EIF5B: variants seen among roughly 807,000 people sequenced by gnomAD.
The protein encoded by EIF5B is eukaryotic translation initiation factor 5B.
In EIF5B, 47 loss-of-function variants were observed where a neutral mutation model predicts 147.5. The ratio of observed to expected loss-of-function variants is 0.32; its 90% CI spans 0.25 to 0.41. The LOEUF (loss-of-function observed/expected upper bound fraction) is 0.41. Ranked by LOEUF, EIF5B falls within the 10% of genes least tolerant of loss-of-function variation. EIF5B has a pLI of 1.00. For synonymous variants in EIF5B, 455 were observed against 456.2 expected, an observed-to-expected ratio of 1.00 and a Z score of 0.03; for missense variants, 1,064 against 1,413.2, an observed-to-expected ratio of 0.75 and a Z score of 3.96.
intron 1 of EIF5B, among the ~76,000 whole-genome samples, chr2:99,341,079 C>A (rs1411238086): frequency 6.6e-6 from 1 of 152,166 alleles, no homozygotes; most frequent in Non-Finnish European, 1.5e-5. Flanking sequence ...TTGTGTAATT[C>A]TAAGAATGAG....
Position 99,344,353 on chromosome 2 carries a change from T to A in EIF5B, c.35+6764T>A, listed in dbSNP as rs886564654. Reference sequence around the variant, plus strand: ...AGATATATGGATTTATTTCCGGACTTTAAGTTTTATTTCTTTGGTCTGTAT... The same window carrying A: ...AGATATATGGATTTATTTCCGGACTATAAGTTTTATTTCTTTGGTCTGTAT... On this transcript the variant is annotated intron_variant, in intron 1 of 23. Coordinates refer to ENST00000289371, the MANE Select transcript of EIF5B (RefSeq NM_015904.4). Among the ~76,000 whole-genome samples, 3 of 152,312 alleles carry A rather than the reference T, an allele frequency of 2.0e-5. No homozygotes were observed. In the East Asian group the frequency reaches 5.8e-4, roughly 29 times the overall value.
chr2:99,374,243 T>C (rs1674516573), intron 9 of EIF5B, among the ~76,000 whole-genome samples: 2 of 146,868 alleles, frequency 1.4e-5, no homozygotes, highest in Non-Finnish European at 1.5e-5. Flanking sequence ...GAGCTGAGAT[T>C]GCGCCACTGC....
intron 12 of EIF5B, 31 bp downstream of exon 12, chr2:99,379,459 C>T (rs535614578): frequency 6.5e-7 from 1 of 1,534,056 alleles, no homozygotes; most frequent in Non-Finnish European, 8.9e-7. Flanking sequence ...GTATTTTAAT[C>T]TCTGACAAAA....
intron 18 of EIF5B, 41 bp downstream of exon 18, chr2:99,393,139 A>G: frequency 6.9e-7 from 1 of 1,453,306 alleles, no homozygotes; most frequent in Non-Finnish European, 9.1e-7. Flanking sequence ...AAGCTATTTG[A>G]GTTCTGGCAT....
chr2:99,368,694 T>C, intron 7 of EIF5B, 103 bp downstream of exon 7: 1 of 821,032 alleles, frequency 1.2e-6, no homozygotes, highest in South Asian at 1.7e-5. Flanking sequence ...AAATCCGAAA[T>C]GCATATTGAA....
chr2:99,372,098 T>C (rs1371512591), intron 9 of EIF5B, among the ~76,000 whole-genome samples: 1 of 152,192 alleles, frequency 6.6e-6, no homozygotes, highest in African/African-American at 2.4e-5. Flanking sequence ...GTAAACGTTT[T>C]TGTCATTGTT....
At position 99,379,315 on chromosome 2, in the gene EIF5B, T is replaced by C. The variant is rs1389299700; in HGVS notation, c.1951-3T>C. On this transcript the variant is annotated splice_region_variant and splice_polypyrimidine_tract_variant and intron_variant, in intron 11 of 23. Coordinates refer to ENST00000289371, the MANE Select transcript of EIF5B (RefSeq NM_015904.4). ...CCAATCTGTATTTGCTGTCTTCTCA[T>C]AGCTCCGTCACACACATGTACAAGA... 1 of 1,607,016 alleles carries C rather than the reference T, an allele frequency of 6.2e-7. No individual in the cohort carries two copies. Among genetic ancestry groups the C allele is most frequent in the Admixed American group, 1.7e-5 (1 of 58,586 alleles).
At chr2:99,370,991 AAG>A (rs1452360622) in intron 8 of EIF5B, 2 of 152,218 alleles carry the variant, frequency 1.3e-5, no homozygotes, top group Non-Finnish European at 2.9e-5. Context: ...GATGATCAAA[AAG>A]AAGATATATA....
At position 99,394,813 on chromosome 2, in the gene EIF5B, A is replaced by G; in HGVS notation, c.3184A>G (p.Ile1062Val). ...AGTTAGAATTTTTAGTGCAGAAATTATTTATCATTTATTTGATGCCTTTAC... is the reference window on the plus strand; with the variant it reads ...AGTTAGAATTTTTAGTGCAGAAATTGTTTATCATTTATTTGATGCCTTTAC... ...LGVRIFSAEI[I>V]YHLFDAFTKY... The change falls in exon 21 of 24, where the codon ATT becomes GTT. Residue 1062 changes from isoleucine to valine, a missense_variant. This residue lies in a region of EIF5B where 380 missense variants were observed against 715.6 expected (regional missense o/e 0.53). Coordinates refer to ENST00000289371, the MANE Select transcript of EIF5B (RefSeq NM_015904.4). 6.2e-7 allele frequency: 1 copy of G among 1,612,482 alleles called. No individual in the cohort carries two copies. The highest frequency in any genetic ancestry group is 1.7e-4 in the Middle Eastern group (1 of 6,054).
intron 1 of EIF5B, among the ~76,000 whole-genome samples, chr2:99,359,435 A>C (rs1485100238): frequency 1.3e-5 from 2 of 152,156 alleles, no homozygotes; most frequent in Non-Finnish European, 2.9e-5. Context: ...GGTGTCCATT[A>C]TAAAGGCCAC....
chr2:99,355,731 G>T (rs1674083881), intron 1 of EIF5B, among the ~76,000 whole-genome samples: 1 of 149,496 alleles, frequency 6.7e-6, no homozygotes, highest in East Asian at 2.0e-4. Flanking sequence ...TCCTGCCCCA[G>T]TCTCCCGAGT....
rs1334045397 is a variant in EIF5B at position 99,359,535 on chromosome 2, C to T, written c.36-701C>T. On this transcript the variant is annotated intron_variant, in intron 1 of 23. Coordinates refer to ENST00000289371, the MANE Select transcript of EIF5B (RefSeq NM_015904.4). Reference sequence around the variant, plus strand: ...TTTTAGACTGGACTGCCTTCATTTTCTGTAGGTTTTAGCTGGAACTTAATT... The same window carrying T: ...TTTTAGACTGGACTGCCTTCATTTTTTGTAGGTTTTAGCTGGAACTTAATT... 2.6e-5 allele frequency among the ~76,000 whole-genome samples: 4 copies of T among 152,248 alleles called. No individual in the cohort carries two copies. In the East Asian group the frequency reaches 5.8e-4, roughly 22 times the overall value.
intron 21 of EIF5B, among the ~76,000 whole-genome samples, chr2:99,396,334 C>T (rs1051032167): frequency 1.2e-4 from 18 of 152,266 alleles, no homozygotes; most frequent in East Asian, 7.7e-4. Flanking sequence ...GGTGATAATA[C>T]GGTCTGATGC....
At chr2:99,388,597 A>G (rs939252905) in intron 14 of EIF5B, among the ~76,000 whole-genome samples, 1 of 152,114 alleles carries the variant, frequency 6.6e-6, no homozygotes. Context: ...TTTCTCCTTC[A>G]TTCTGTTAAC....
chr2:99,385,055 T>C (rs1276824431), intron 14 of EIF5B, among the ~76,000 whole-genome samples: 1 of 152,206 alleles, frequency 6.6e-6, no homozygotes, highest in Non-Finnish European at 1.5e-5. Flanking sequence ...TAAATTTCTT[T>C]TTTTTTTTGA....
intron 17 of EIF5B, among the ~76,000 whole-genome samples, chr2:99,391,683 T>C (rs1029798205): frequency 2.6e-5 from 4 of 152,170 alleles, no homozygotes; most frequent in Admixed American, 2.6e-4. Context: ...CTGTAGACTT[T>C]ATGTAGAAAT....
At chr2:99,368,366 C>T (rs1329133541) in intron 6 of EIF5B, 127 bp from the exon 7 acceptor site, 1 of 709,882 alleles carries the variant, frequency 1.4e-6, no homozygotes. Context: ...ACAAGTTTTT[C>T]CATGAATATC....
chr2:99,345,833 C>T (rs1189637186), intron 1 of EIF5B, among the ~76,000 whole-genome samples: 2 of 151,434 alleles, frequency 1.3e-5, no homozygotes, highest in Non-Finnish European at 2.9e-5. Context: ...GTCTCAGCTA[C>T]TCAGGAGGCT....
Position 99,361,186 on chromosome 2 carries a change from TA to T in EIF5B, c.293del (p.Lys98ArgfsTer83), listed in dbSNP as rs769971529. ...NNEEEFTSKD[K>X]KKKGQKGKKQ... is the part of the protein sequence containing the mutation. The stretch of plus-strand genomic sequence containing the variant: ...ATGAAGAGGAATTCACCTCAAAAGA[TA>T]AAAAAAAGAAAGGACAGAAGGGCAA... On this transcript the variant is annotated frameshift_variant, in exon 4 of 24. Coordinates refer to ENST00000289371, the MANE Select transcript of EIF5B (RefSeq NM_015904.4). LOFTEE classifies it high-confidence loss of function. The T allele has an allele frequency of 1.1e-5, 17 of 1,556,114 alleles. No homozygotes were observed. Among genetic ancestry groups the T allele is most frequent in the East Asian group, 6.9e-5 (3 of 43,780 alleles).
Sources: allele counts gnomAD v4.1 joint callset (sites outside exome capture counted in the v4.1 genomes callset), GRCh38; gene constraint gnomAD v4.1.1; regional missense constraint gnomAD v4.1.1; transcripts MANE v1.5; gene names NCBI Gene and HGNC (gene_info 2026-07-23, HGNC 2026-07-21).